Variants in CD276 observed in about 807,000 individuals in gnomAD.
CD276 encodes the protein CD276 antigen.
In CD276, 34 loss-of-function variants were observed where a neutral mutation model predicts 50.0. That is an observed-to-expected ratio of 0.68 (90% confidence interval 0.52 to 0.91). The LOEUF is 0.91. Among genes scored for constraint, CD276 ranks in the 40% least tolerant of loss-of-function variants. The pLI, the probability that CD276 is intolerant of heterozygous loss-of-function variation, is 0.00. For missense variants in CD276, 634 were observed against 717.5 expected (o/e 0.88, Z 1.33); for synonymous variants, 275 against 313.0 (o/e 0.88, Z 1.28).
chr15:73,709,838 C>T, intron 8 of CD276, 149 bp downstream of exon 8: 1 of 711,490 alleles, frequency 1.4e-6, no homozygotes. Context: ...CCCGGTGAGT[C>T]TGCTCTTTGC....
In CD276 at chr15:73,713,032, C is replaced by T. The variant is rs1596024411; in HGVS notation, c.*76C>T. The stretch of plus-strand genomic sequence containing the variant: ...CTGCAATGGGGCTGCACTGTGAGCC[C>T]TGCCCCCAACAGATGCATCCTGCTC... On this transcript the variant is annotated 3_prime_UTR_variant, in exon 10 of 10. Transcript: ENST00000318443. 7 of 1,384,638 alleles carry T rather than the reference C, an allele frequency of 5.1e-6. No individual in the cohort carries two copies. In the East Asian group the frequency reaches 1.6e-4, roughly 32 times the overall value. 85.8% of individuals were successfully genotyped at this position (1,384,638 alleles called of 1,614,324 possible). A position where few individuals can be genotyped will look rare whatever the true frequency, so the allele number is the denominator to read the frequency against.
intron 2 of CD276, among the ~76,000 whole-genome samples, chr15:73,701,115 C>A (rs936820779): frequency 2.0e-5 from 3 of 151,392 alleles, no homozygotes; most frequent in African/African-American, 7.3e-5. Flanking sequence ...AGGCTGGTCT[C>A]GAACGCCTGA....
chr15:73,698,058 G>C (rs1900242504), intron 1 of CD276, among the ~76,000 whole-genome samples: 1 of 152,164 alleles, frequency 6.6e-6, no homozygotes, highest in South Asian at 2.1e-4. Flanking sequence ...GGTGTGTGCA[G>C]CCTGGAGGGT....
At chr15:73,709,850 CAG>C (rs1396057811) in intron 8 of CD276, among the ~76,000 whole-genome samples, 161 bp downstream of exon 8, 4 of 152,298 alleles carry the variant, frequency 2.6e-5, no homozygotes, top group East Asian at 1.9e-4. Context: ...GCTCTTTGCC[CAG>C]AGTTAGGCAG....
Position 73,702,494 on chromosome 15 carries a change from C to A in CD276, c.319C>A (p.Leu107Met). ...CCTGCTGGCACAGGGCAACGCATCC[C>A]TGAGGCTGCAGCGCGTGCGTGTGGC... ...PDLLAQGNAS[L>M]RLQRVRVADE... Residue 107 changes from leucine to methionine, a missense_variant, in exon 3 of 10, where the codon CTG becomes ATG. Transcript: ENST00000318443. 6.2e-7 allele frequency: 1 copy of A among 1,613,578 alleles called. No homozygotes were observed.
chr15:73,688,499 G>C (rs1012050945), intron 1 of CD276, among the ~76,000 whole-genome samples: 1 of 152,172 alleles, frequency 6.6e-6, no homozygotes, highest in African/African-American at 2.4e-5. Flanking sequence ...TGTCAGGATT[G>C]AAACCCAAGG....
intron 1 of CD276, chr15:73,690,831 G>C (rs568959416): frequency 6.6e-6 from 3 of 455,446 alleles, no homozygotes. Context: ...TGTGGTGAGG[G>C]GCAAGTAGGA....
At chr15:73,701,988 G>C (rs141045885) in intron 2 of CD276, among the ~76,000 whole-genome samples, 4 of 152,322 alleles carry the variant, frequency 2.6e-5, no homozygotes, top group East Asian at 3.9e-4. Flanking sequence ...GTGCCCATTT[G>C]TCTCTCTCTC....
At position 73,704,329 on chromosome 15, in the gene CD276, C is replaced by T. The variant is rs1362856323; in HGVS notation, c.1226C>T (p.Thr409Ile). Residue 409 changes from threonine (T) to isoleucine (I), a missense_variant, in exon 6 of 10, where the codon ACC becomes ATC. Physicochemically the swap from Thr to Ile is moderately conservative, Grantham distance 89. Coordinates refer to ENST00000318443, the MANE Select transcript of CD276 (RefSeq NM_001024736.2). This position sits in a 1 kb window ranked among gnomAD's most constrained non-coding sequence, Gnocchi z 4.1. ...GQGVPLTGNV[T>I]TSQMANEQGL... The stretch of plus-strand genomic sequence containing the variant: ...GGTGTGCCCCTGACTGGCAACGTGA[C>T]CACGTCGCAGATGGCCAACGAGCAG... 6.2e-7 allele frequency: 1 copy of T among 1,613,926 alleles called. No individual in the cohort carries two copies. The highest frequency in any genetic ancestry group is 8.5e-7 in the Non-Finnish European group (1 of 1,180,026).
rs749571273 is a variant in CD276, at chr15:73,702,613, C to T, written c.418+20C>T. 68 of 1,595,098 alleles carry T rather than the reference C, an allele frequency of 4.3e-5. No homozygotes were observed. The highest frequency in any genetic ancestry group is 1.7e-4 in the Middle Eastern group (1 of 5,966). ...TGGCCGGTGAGCACCAGGAGGGGGA[C>T]GCCTTCCCCTTAGTTCACCCTCCAT... On this transcript the variant is annotated intron_variant, in intron 3 of 9. Coordinates refer to ENST00000318443, the MANE Select transcript of CD276 (RefSeq NM_001024736.2).
At position 73,687,009 on chromosome 15, in the gene CD276, A is replaced by G. The variant is rs1899797181; in HGVS notation, c.-55+2549A>G. Among the ~76,000 whole-genome samples, 1 of 151,948 alleles carries G rather than the reference A, an allele frequency of 6.6e-6. No homozygotes were observed. Among genetic ancestry groups the G allele is most frequent in the Non-Finnish European group, 1.5e-5 (1 of 67,976 alleles). On this transcript the variant is annotated intron_variant, in intron 1 of 9. Transcript: ENST00000318443. This position sits in a 1 kb window ranked among gnomAD's most constrained non-coding sequence, Gnocchi z 4.0. The stretch of plus-strand genomic sequence containing the variant: ...AGTGTTAGGGAAGTCCACCAGCAAA[A>G]GGGGGAGGGCACACCCAGGGCCTAG...
chr15:73,694,003 C>T (rs1346021093), intron 1 of CD276, among the ~76,000 whole-genome samples: 1 of 152,122 alleles, frequency 6.6e-6, no homozygotes, highest in Non-Finnish European at 1.5e-5. Flanking sequence ...CCTCAGTGAC[C>T]CCACCTTTGG....
Position 73,702,250 on chromosome 15 carries a change from C to A in CD276, c.80-5C>A, listed in dbSNP as rs567574544. 8 of 1,601,730 alleles carry A rather than the reference C, an allele frequency of 5.0e-6. No homozygotes were observed. In the African/African-American group the frequency reaches 5.3e-5, roughly 11 times the overall value. ...TTATATGTTCTCCACTCCCCCTACC[C>A]CCAGGAGCCCTGGAGGTCCAGGTCC... On this transcript the variant is annotated splice_region_variant and splice_polypyrimidine_tract_variant and intron_variant, in intron 2 of 9. Transcript: ENST00000318443.
intron 2 of CD276, among the ~76,000 whole-genome samples, chr15:73,701,034 G>A (rs1400667570): frequency 6.7e-6 from 1 of 150,112 alleles, no homozygotes; most frequent in African/African-American, 2.5e-5. Context: ...CTCCTGAGTA[G>A]CTGGGATTAC....
At chr15:73,689,188 C>CTGTGTGTG (rs58196751) in intron 1 of CD276, among the ~76,000 whole-genome samples, 2,621 of 142,650 alleles carry the variant, frequency 0.018, 51 homozygotes, top group Admixed American at 0.061. Flanking sequence ...TCTGTGCCTC[C>CTGTGTGTG]TGTGTGTGTG....
At position 73,713,488 on chromosome 15, in the gene CD276, C is replaced by T. The variant is rs566878568; in HGVS notation, c.*532C>T. On this transcript the variant is annotated 3_prime_UTR_variant, in exon 10 of 10. Transcript: ENST00000318443. ...CTTTTCTTCTCAGACAGGGACAGTG[C>T]GGCCTCAACATCTCCTGGAGTCTAG... is the stretch of plus-strand genomic sequence containing the variant. The T allele has an allele frequency of 6.7e-4, 195 of 292,622 alleles. 1 individual carries two copies. Among genetic ancestry groups the T allele is most frequent in the African/African-American group, 3.7e-3 (160 of 42,694 alleles). 18.1% of individuals were successfully genotyped at this position (292,622 alleles called of 1,614,324 possible).
Position 73,704,548 on chromosome 15 carries a change from A to G in CD276, c.1369+76A>G, listed in dbSNP as rs73446033. ...TACTGGACCCTAACGTGGAATTTCC[A>G]TAGGTTTGGGTGGCCAGAAGACTTT... On this transcript the variant is annotated intron_variant, in intron 6 of 9. Transcript: ENST00000318443. This position sits in a 1 kb window ranked among gnomAD's most constrained non-coding sequence, Gnocchi z 4.1. The G allele has an allele frequency of 6.5e-5, 98 of 1,514,316 alleles. No individual in the cohort carries two copies. Among genetic ancestry groups the G allele is most frequent in the Non-Finnish European group, 8.2e-5 (92 of 1,127,176 alleles). The allele number at this position is 1,514,316 out of a possible 1,614,324, so 93.8% of individuals were successfully genotyped here.
At chr15:73,692,487 T>G (rs1468352109) in intron 1 of CD276, among the ~76,000 whole-genome samples, 3 of 152,250 alleles carry the variant, frequency 2.0e-5, no homozygotes, top group Non-Finnish European at 1.5e-5. Context: ...TAGTACCTAC[T>G]TCACAGAATT....
intron 2 of CD276, among the ~76,000 whole-genome samples, chr15:73,700,258 A>G (rs78217166): frequency 2.6e-5 from 4 of 152,192 alleles, no homozygotes; most frequent in Non-Finnish European, 4.4e-5. Flanking sequence ...TAGGTGCCCA[A>G]TAACTGTGTA....
Sources: allele counts gnomAD v4.1 joint callset (sites outside exome capture counted in the v4.1 genomes callset), GRCh38; gene constraint gnomAD v4.1.1; non-coding constraint Gnocchi (gnomAD v3.1); transcripts MANE v1.5; gene names NCBI Gene and HGNC (gene_info 2026-07-23, HGNC 2026-07-21).